Variants in ASTN2 observed in about 807,000 individuals in gnomAD.
The protein encoded by ASTN2 is astrotactin-2.
In ASTN2, 54 loss-of-function variants were observed where a neutral mutation model predicts 139.8. The ratio of observed to expected loss-of-function variants is 0.39; its 90% CI spans 0.31 to 0.48. ASTN2 has a LOEUF of 0.48. ASTN2 is among the 20% of genes least tolerant of loss of function. ASTN2 has a pLI of 0.95. For synonymous variants in ASTN2, 756 were observed against 719.5 expected, an observed-to-expected ratio of 1.05 and a Z score of -0.81; for missense variants, 1,565 against 1,725.1, an observed-to-expected ratio of 0.91 and a Z score of 1.64.
chr9:116,921,020 G>A (rs1834589901), intron 10 of ASTN2, among the ~76,000 whole-genome samples: 1 of 152,178 alleles, frequency 6.6e-6, no homozygotes, highest in African/African-American at 2.4e-5. Flanking sequence ...CGTTCTACAG[G>A]CTTTATAGGA....
chr9:116,768,446 C>T (rs561883574), intron 13 of ASTN2, among the ~76,000 whole-genome samples: 82 of 152,262 alleles, frequency 5.4e-4, no homozygotes, highest in African/African-American at 1.9e-3. Context: ...CTCCCTGACC[C>T]GTCCTCCATC....
At chr9:117,384,263 G>T (rs1249282370) in intron 1 of ASTN2, among the ~76,000 whole-genome samples, 4 of 152,174 alleles carry the variant, frequency 2.6e-5, no homozygotes, top group Non-Finnish European at 1.5e-5. Context: ...AAGGTATCTT[G>T]GGAAGTTTTG....
intron 11 of ASTN2, among the ~76,000 whole-genome samples, chr9:116,848,230 G>C (rs1482902255): frequency 6.6e-6 from 1 of 152,180 alleles, no homozygotes; most frequent in African/African-American, 2.4e-5. Flanking sequence ...ACTTGCTTCA[G>C]GTCCTCACCA....
intron 1 of ASTN2, among the ~76,000 whole-genome samples, chr9:117,335,109 C>T (rs1048564393): frequency 6.6e-6 from 1 of 152,068 alleles, no homozygotes; most frequent in Non-Finnish European, 1.5e-5. Flanking sequence ...ACCTTGCACC[C>T]CCAGGGGCTC....
At chr9:117,041,238 G>A (rs1838559257) in intron 5 of ASTN2, among the ~76,000 whole-genome samples, 1 of 152,006 alleles carries the variant, frequency 6.6e-6, no homozygotes, top group African/African-American at 2.4e-5. Context: ...CAGTTTTAGA[G>A]CAATGCCTCC....
chr9:117,101,446 AAAG>A (rs1828975757), intron 4 of ASTN2, among the ~76,000 whole-genome samples: 1 of 152,166 alleles, frequency 6.6e-6, no homozygotes, highest in Non-Finnish European at 1.5e-5. Flanking sequence ...TGGCAAGAAA[AAAG>A]AAGAGGTAAT....
At chr9:116,847,108 T>C (rs1309837940) in intron 11 of ASTN2, among the ~76,000 whole-genome samples, 3 of 151,910 alleles carry the variant, frequency 2.0e-5, no homozygotes, top group Admixed American at 6.6e-5. Context: ...CTTATAGTTC[T>C]CAAGGTTTTG....
intron 10 of ASTN2, among the ~76,000 whole-genome samples, chr9:116,956,390 C>A (rs890896990): frequency 1.3e-5 from 2 of 148,868 alleles, no homozygotes; most frequent in African/African-American, 2.4e-5. Context: ...TGAGACACTG[C>A]GCCCAGCCAA....
At chr9:116,948,785 G>GTTTTTTTTTTTGTTTTTTT (rs1835471236) in intron 10 of ASTN2, among the ~76,000 whole-genome samples, 1 of 49,472 alleles carries the variant, frequency 2.0e-5, no homozygotes, top group African/African-American at 8.6e-5. Context: ...ATAATTTGGT[G>GTTTTTTTTTTTGTTTTTTT]TTTTTTTTTT....
intron 2 of ASTN2, 21 bp from the exon 3 acceptor site, chr9:117,214,763 A>C (rs1832257209): frequency 6.8e-7 from 1 of 1,467,830 alleles, no homozygotes; most frequent in Non-Finnish European, 9.0e-7. Context: ...AAGGAAGGAC[A>C]CACAAATGGG....
In ASTN2 at chr9:116,631,211, A is replaced by T. The variant is rs184349254; in HGVS notation, c.3073-10768T>A. Among the ~76,000 whole-genome samples the T allele has an allele frequency of 4.6e-3, 702 of 152,324 alleles. 5 individuals are homozygous for T. The highest frequency in any genetic ancestry group is 7.1e-3 in the Admixed American group (108 of 15,308). ...CCAATAATCTCACTACTGGGCATAT[A>T]TACAAAGGAAATAAAATCAGTATGC... On this transcript the variant is annotated intron_variant, in intron 17 of 22. Coordinates refer to ENST00000313400, the MANE Select transcript of ASTN2 (RefSeq NM_001365068.1).
intron 3 of ASTN2, among the ~76,000 whole-genome samples, chr9:117,160,706 T>C (rs1830530939): frequency 6.6e-6 from 1 of 152,076 alleles, no homozygotes; most frequent in South Asian, 2.1e-4. Flanking sequence ...TAGTAGGCAC[T>C]CAGTAAGATT....
At chr9:117,201,025 G>A (rs536192877) in intron 3 of ASTN2, among the ~76,000 whole-genome samples, 2 of 136,668 alleles carry the variant, frequency 1.5e-5, no homozygotes, top group African/African-American at 5.7e-5. Flanking sequence ...TGGTTGGTTG[G>A]TTATTAATTA....
At chr9:116,723,386 G>A (rs528918708) in intron 16 of ASTN2, among the ~76,000 whole-genome samples, 1 of 152,178 alleles carries the variant, frequency 6.6e-6, no homozygotes, top group African/African-American at 2.4e-5. Context: ...CTGAGACTTA[G>A]AAGTTCCTTT....
chr9:117,195,378 A>T (rs28581390), intron 3 of ASTN2, among the ~76,000 whole-genome samples: 2 of 152,152 alleles, frequency 1.3e-5, no homozygotes, highest in African/African-American at 2.4e-5. Context: ...AGAAGAGGCC[A>T]TTGTGTCTGG....
At chr9:116,731,451 T>G (rs767077564) in intron 14 of ASTN2, among the ~76,000 whole-genome samples, 2 of 152,114 alleles carry the variant, frequency 1.3e-5, no homozygotes, top group Non-Finnish European at 2.9e-5. Flanking sequence ...AGACAGAGTT[T>G]CACTCCTGTT....
intron 1 of ASTN2, among the ~76,000 whole-genome samples, chr9:117,366,467 G>T (rs1829846366): frequency 6.6e-6 from 1 of 152,066 alleles, no homozygotes; most frequent in African/African-American, 2.4e-5. Flanking sequence ...CTTTCTCCAA[G>T]ATTACCCAGC....
intron 3 of ASTN2, chr9:117,180,827 T>TGAAGCCCCACTTCTTTGA (rs1344675115): frequency 6.5e-7 from 1 of 1,548,754 alleles, no homozygotes; most frequent in South Asian, 1.1e-5. Flanking sequence ...TTGAACTTGG[T>TGAAGCCCCACTTCTTTGA]GAAGCCCCAC....
At chr9:117,253,156 A>C (rs2050421) in intron 2 of ASTN2, among the ~76,000 whole-genome samples, 83,105 of 152,034 alleles carry the variant, frequency 0.55, 25,799 homozygotes, top group Admixed American at 0.69. Flanking sequence ...GAGAGGCATG[A>C]CTGCATCTCT....
Sources: allele counts gnomAD v4.1 joint callset (sites outside exome capture counted in the v4.1 genomes callset), GRCh38; gene constraint gnomAD v4.1.1; transcripts MANE v1.5; gene names NCBI Gene and HGNC (gene_info 2026-07-23, HGNC 2026-07-21).